Variants in DIP2C observed in about 807,000 individuals in gnomAD.
DIP2C encodes disco-interacting protein 2 homolog C.
Under a neutral mutation model 192.4 loss-of-function variants are expected in DIP2C, and 33 were observed. The observed-to-expected ratio is 0.17, with a 90% CI of 0.13 to 0.23. The LOEUF is 0.23. Among genes scored for constraint, DIP2C ranks in the 10% least tolerant of loss-of-function variants. The pLI is 1.00. For missense variants in DIP2C, 1,537 were observed against 2,110.1 expected (o/e 0.73, Z 5.32); for synonymous variants, 979 against 864.1 (o/e 1.13, Z -2.33).
chr10:551,391 T>A lies in DIP2C; in HGVS notation c.86-64861A>T, dbSNP rs1442890584. Among the ~76,000 whole-genome samples the A allele has an allele frequency of 5.3e-5, 8 of 152,166 alleles. No individual in the cohort carries two copies. The East Asian group carries it at 1.5e-3, about 29-fold the overall frequency. On this transcript the variant is annotated intron_variant, in intron 1 of 36. Transcript: ENST00000280886. Reference sequence around the variant, plus strand: ...AAGGCCACGTCCCGCTTACCACAGGTGCCACGGAGGCTGTGGAAGGGGTCC... The same window carrying A: ...AAGGCCACGTCCCGCTTACCACAGGAGCCACGGAGGCTGTGGAAGGGGTCC...
chr10:579,451 T>C (rs896632009), intron 1 of DIP2C, among the ~76,000 whole-genome samples: 4 of 151,556 alleles, frequency 2.6e-5, no homozygotes, highest in African/African-American at 9.7e-5. Flanking sequence ...CATGTGTACA[T>C]GCATAGAGCG....
intron 1 of DIP2C, among the ~76,000 whole-genome samples, chr10:515,075 G>A (rs905167631): frequency 3.3e-5 from 5 of 152,138 alleles, no homozygotes; most frequent in African/African-American, 1.2e-4. Flanking sequence ...TTAACACTTA[G>A]TGTTATCACT....
At chr10:408,251 A>G (rs1344388302) in intron 9 of DIP2C, among the ~76,000 whole-genome samples, 3 of 150,400 alleles carry the variant, frequency 2.0e-5, no homozygotes, top group Admixed American at 1.3e-4. Flanking sequence ...ACTTATCCAT[A>G]TACATGAGGG....
At chr10:447,057 T>C (rs978067231) in intron 3 of DIP2C, among the ~76,000 whole-genome samples, 2 of 152,206 alleles carry the variant, frequency 1.3e-5, no homozygotes, top group Non-Finnish European at 2.9e-5. Flanking sequence ...TTGTCTCGCA[T>C]GCAAACTAAC....
chr10:308,907 GACA>G lies in DIP2C; in HGVS notation c.3986+1121_3986+1123del, dbSNP rs1236796828. On this transcript the variant is annotated intron_variant, in intron 32 of 36. Transcript: ENST00000280886. ...CTGGCCGTCCCATGCAGGCTGTTGG[GACA>G]CCCCTGGTCTCCCCCCACCAGATGC... 6.6e-5 allele frequency among the ~76,000 whole-genome samples: 10 copies of G among 152,336 alleles called. No individual in the cohort carries two copies. The East Asian group carries it at 1.9e-3, about 29-fold the overall frequency.
intron 22 of DIP2C, among the ~76,000 whole-genome samples, chr10:362,271 AAC>A (rs1959631651): frequency 6.6e-6 from 1 of 152,140 alleles, no homozygotes; most frequent in South Asian, 2.1e-4. Flanking sequence ...CGACCACACT[AAC>A]ACCCCTGAGC....
At position 416,605 on chromosome 10, in the gene DIP2C, G is replaced by A. The variant is rs527561908; in HGVS notation, c.740-717C>T. 1.4e-4 allele frequency among the ~76,000 whole-genome samples: 21 copies of A among 152,200 alleles called. No homozygotes were observed. In the East Asian group the frequency reaches 2.5e-3, roughly 18 times the overall value. ...TACCTATCCAAGTGGACCGAGAAAA[G>A]CCCCATTTTAAAATACTGTGCTAAT... is the stretch of plus-strand genomic sequence containing the variant. On this transcript the variant is annotated intron_variant, in intron 6 of 36. Transcript: ENST00000280886.
chr10:315,079 G>T (rs1956719049), intron 31 of DIP2C, among the ~76,000 whole-genome samples: 1 of 151,906 alleles, frequency 6.6e-6, no homozygotes, highest in Non-Finnish European at 1.5e-5. Context: ...TGTATTTTTT[G>T]AATGATTTAT....
chr10:588,525 G>A (rs572389408), intron 1 of DIP2C, among the ~76,000 whole-genome samples: 4 of 152,362 alleles, frequency 2.6e-5, no homozygotes, highest in South Asian at 2.1e-4. Context: ...AGCTGCCTGC[G>A]GCTTGGGTCC....
chr10:527,864 G>A (rs567810860), intron 1 of DIP2C, among the ~76,000 whole-genome samples: 11 of 152,274 alleles, frequency 7.2e-5, no homozygotes, highest in African/African-American at 2.2e-4. Flanking sequence ...GGCCAGCTGC[G>A]GTGAGTGCAG....
rs1218470708 is a variant in DIP2C, at chr10:276,672, T to C, written c.*653A>G. The C allele has an allele frequency of 1.7e-4, 26 of 152,708 alleles. No individual in the cohort carries two copies. Among genetic ancestry groups the C allele is most frequent in the Admixed American group, 1.7e-3 (26 of 15,290 alleles). 9.5% of individuals were successfully genotyped at this position (152,708 alleles called of 1,614,324 possible). ...TAGTACAAAGATATTTGCAAGATAA[T>C]TGCCGAAATACACCTTATTTATAAT... is the stretch of plus-strand genomic sequence containing the variant. On this transcript the variant is annotated 3_prime_UTR_variant, in exon 37 of 37. Transcript: ENST00000280886.
intron 31 of DIP2C, among the ~76,000 whole-genome samples, chr10:321,013 T>TAAAGCA (rs1554817174): frequency 6.6e-6 from 1 of 151,230 alleles, no homozygotes; most frequent in South Asian, 2.1e-4. Context: ...GTCCGGGTTA[T>TAAAGCA]GAAGCAGGAA....
At chr10:380,674 G>A (rs1051939492) in intron 17 of DIP2C, among the ~76,000 whole-genome samples, 3 of 152,178 alleles carry the variant, frequency 2.0e-5, no homozygotes, top group Non-Finnish European at 4.4e-5. Flanking sequence ...AAATGAGATC[G>A]CTGTACTGCC....
In DIP2C at chr10:651,314, G is replaced by A. The variant is rs1186759946; in HGVS notation, c.85+38180C>T. 1.4e-6 allele frequency: 1 copy of A among 706,944 alleles called. No homozygotes were observed. The highest frequency in any genetic ancestry group is 2.6e-6 in the Non-Finnish European group (1 of 385,032). The allele number at this position is 706,944 out of a possible 1,614,324, so 43.8% of individuals were successfully genotyped here. A position where few individuals can be genotyped will look rare whatever the true frequency, so the allele number is the denominator to read the frequency against. On this transcript the variant is annotated intron_variant, in intron 1 of 36. Coordinates refer to ENST00000280886, the MANE Select transcript of DIP2C (RefSeq NM_014974.3). This position sits in a 1 kb window ranked among gnomAD's most constrained non-coding sequence, Gnocchi z 4.1. ...CCTTACAAGCAGAGCCACCAACGTGGACACGATCCCATCAGGAACCACCTA... is the reference window on the plus strand; with the variant it reads ...CCTTACAAGCAGAGCCACCAACGTGAACACGATCCCATCAGGAACCACCTA...
At chr10:383,702 C>T (rs1014994341) in intron 16 of DIP2C, among the ~76,000 whole-genome samples, 4 of 152,212 alleles carry the variant, frequency 2.6e-5, no homozygotes, top group South Asian at 4.1e-4. Context: ...ACTTAAGCAC[C>T]GTTTTACAGC....
At chr10:569,656 T>C (rs927224806) in intron 1 of DIP2C, among the ~76,000 whole-genome samples, 2 of 152,172 alleles carry the variant, frequency 1.3e-5, no homozygotes, top group African/African-American at 4.8e-5. Flanking sequence ...TCCTTAAATT[T>C]ATTTAACTAC....
intron 1 of DIP2C, among the ~76,000 whole-genome samples, chr10:555,347 T>C (rs1234410801): frequency 6.6e-6 from 1 of 152,176 alleles, no homozygotes; most frequent in African/African-American, 2.4e-5. Context: ...CAATTTTTCA[T>C]AAGGACAACA....
chr10:578,829 C>T (rs1450012109), intron 1 of DIP2C, among the ~76,000 whole-genome samples: 1 of 152,024 alleles, frequency 6.6e-6, no homozygotes, highest in Non-Finnish European at 1.5e-5. Context: ...AGAGCACACA[C>T]ATCCAGATCC....
At chr10:509,257 G>A (rs746138456) in intron 1 of DIP2C, among the ~76,000 whole-genome samples, 13 of 152,126 alleles carry the variant, frequency 8.5e-5, no homozygotes, top group Admixed American at 2.0e-4. Context: ...CGTCCTAACC[G>A]CGCCAGGTAT....
Sources: allele counts gnomAD v4.1 joint callset (sites outside exome capture counted in the v4.1 genomes callset), GRCh38; gene constraint gnomAD v4.1.1; non-coding constraint Gnocchi (gnomAD v3.1); transcripts MANE v1.5; gene names NCBI Gene and HGNC (gene_info 2026-07-23, HGNC 2026-07-21).